Variants in CPEB3 observed in about 807,000 individuals in gnomAD.
The protein encoded by CPEB3 is cytoplasmic polyadenylation element binding protein 3, also known as cytoplasmic polyadenylation element-binding protein 3.
In CPEB3, 20 loss-of-function variants were observed where a neutral mutation model predicts 67.2. The ratio of observed to expected loss-of-function variants is 0.30; its 90% CI spans 0.21 to 0.43. CPEB3 has a LOEUF of 0.43. Among genes scored for constraint, CPEB3 ranks in the 20% least tolerant of loss-of-function variants. CPEB3 has a pLI of 1.00. For synonymous variants in CPEB3, 376 were observed against 393.1 expected (o/e 0.96, Z 0.51); for missense variants, 746 against 968.6 (o/e 0.77, Z 3.05).
intron 7 of CPEB3, among the ~76,000 whole-genome samples, chr10:92,105,285 C>T (rs978734756): frequency 6.6e-6 from 1 of 152,176 alleles, no homozygotes; most frequent in Admixed American, 6.5e-5. Context: ...GTAGTAAACA[C>T]ATCACAAATG....
At chr10:92,280,017 G>A (rs550571521) in intron 1 of CPEB3, among the ~76,000 whole-genome samples, 1 of 151,800 alleles carries the variant, frequency 6.6e-6, no homozygotes, top group East Asian at 1.9e-4. Flanking sequence ...TCTCAAAAAA[G>A]AAAGAAAGAG....
At chr10:92,094,669 G>A (rs1843775613) in intron 7 of CPEB3, among the ~76,000 whole-genome samples, 1 of 151,208 alleles carries the variant, frequency 6.6e-6, no homozygotes, top group African/African-American at 2.4e-5. Flanking sequence ...TCATTCCCTT[G>A]ACATTTACTA....
At chr10:92,203,453 CGTATATAT>C (rs1325824977) in intron 2 of CPEB3, among the ~76,000 whole-genome samples, 5 of 121,562 alleles carry the variant, frequency 4.1e-5, no homozygotes, top group Non-Finnish European at 8.5e-5. Context: ...TATATATATA[CGTATATAT>C]GTATATGTGT....
chr10:92,139,424 G>A (rs1342295804), intron 6 of CPEB3, among the ~76,000 whole-genome samples: 2 of 151,378 alleles, frequency 1.3e-5, no homozygotes, highest in South Asian at 2.1e-4. Context: ...AATAAGCCAG[G>A]CACAGAAAGA....
At chr10:92,167,551 C>G (rs1384151130) in intron 4 of CPEB3, among the ~76,000 whole-genome samples, 1 of 152,154 alleles carries the variant, frequency 6.6e-6, no homozygotes, top group Admixed American at 6.5e-5. Flanking sequence ...CAGAACACAA[C>G]ATTTATCAAT....
chr10:92,197,481 C>T (rs536690123), intron 2 of CPEB3, among the ~76,000 whole-genome samples: 1 of 152,160 alleles, frequency 6.6e-6, no homozygotes, highest in Non-Finnish European at 1.5e-5. Flanking sequence ...CCTGTTAGAC[C>T]TTTTTTTATA....
intron 2 of CPEB3, among the ~76,000 whole-genome samples, chr10:92,193,251 T>C (rs1263727518): frequency 6.6e-6 from 1 of 152,248 alleles, no homozygotes; most frequent in South Asian, 2.1e-4. Context: ...TTAAGTTTAA[T>C]ACAAGTCTCC....
In CPEB3 at chr10:92,048,760, A is replaced by C. The variant is rs1852185618; in HGVS notation, c.*3452T>G. 6.5e-6 allele frequency: 1 copy of C among 152,680 alleles called. No individual in the cohort carries two copies. The highest frequency in any genetic ancestry group is 1.5e-5 in the Non-Finnish European group (1 of 68,046). The allele number at this position is 152,680 out of a possible 1,614,324, so 9.5% of individuals were successfully genotyped here. On this transcript the variant is annotated 3_prime_UTR_variant, in exon 10 of 10. Transcript: ENST00000265997. The surrounding 1 kb of genome is among the most constrained non-coding windows in gnomAD (Gnocchi z 4.1). ...ACCACATCAGCAAGTTAATACATAA[A>C]GCTTTGCATTTCAAAAAACTAGACA...
chr10:92,209,941 CAAAAAAA>C (rs768962869), intron 2 of CPEB3, among the ~76,000 whole-genome samples: 1 of 59,038 alleles, frequency 1.7e-5, no homozygotes, highest in Non-Finnish European at 3.1e-5. Flanking sequence ...GGCTCTGTCT[CAAAAAAA>C]AAAAAAAAAA....
At chr10:92,158,483 ACT>A (rs1483846734) in intron 4 of CPEB3, among the ~76,000 whole-genome samples, 2 of 152,078 alleles carry the variant, frequency 1.3e-5, no homozygotes, top group African/African-American at 2.4e-5. Flanking sequence ...TGCGGTGGTC[ACT>A]CTGAATTTCT....
chr10:92,134,517 T>C (rs1413511880), intron 6 of CPEB3, among the ~76,000 whole-genome samples: 1 of 151,680 alleles, frequency 6.6e-6, no homozygotes, highest in Non-Finnish European at 1.5e-5. Flanking sequence ...TAAAAGAGGA[T>C]ACAAACAAAT....
intron 1 of CPEB3, among the ~76,000 whole-genome samples, chr10:92,274,026 A>C (rs1841863365): frequency 1.3e-5 from 2 of 152,086 alleles, no homozygotes; most frequent in South Asian, 4.1e-4. Context: ...GTAATAAATC[A>C]CTTTTACTGT....
At chr10:92,182,825 C>CAAA (rs781545538) in intron 3 of CPEB3, among the ~76,000 whole-genome samples, 2 of 49,120 alleles carry the variant, frequency 4.1e-5, no homozygotes, top group African/African-American at 1.3e-4. Context: ...GACTCCGTCT[C>CAAA]AAAAAAAAAA....
At chr10:92,191,491 T>A (rs1014159810) in intron 3 of CPEB3, among the ~76,000 whole-genome samples, 23 of 151,946 alleles carry the variant, frequency 1.5e-4, no homozygotes, top group African/African-American at 5.6e-4. Context: ...CACTGGAAAA[T>A]GAGGAAAGCA....
chr10:92,119,305 T>C (rs781619073), intron 6 of CPEB3: 6 of 1,459,414 alleles, frequency 4.1e-6, no homozygotes, highest in Middle Eastern at 2.4e-4. Context: ...CTTGGAGCAG[T>C]AGAGTACCTT....
At chr10:92,125,016 C>T (rs1210889008) in intron 6 of CPEB3, among the ~76,000 whole-genome samples, 1 of 152,192 alleles carries the variant, frequency 6.6e-6, no homozygotes, top group Non-Finnish European at 1.5e-5. Flanking sequence ...GTTCACAAAC[C>T]ATGCTGGTAT....
chr10:92,283,501 T>A (rs1032441408), intron 1 of CPEB3, among the ~76,000 whole-genome samples: 1 of 152,116 alleles, frequency 6.6e-6, no homozygotes, highest in African/African-American at 2.4e-5. Flanking sequence ...CTTCTGAGTA[T>A]CAATGTTAAG....
chr10:92,146,967 G>C (rs1352201078), intron 4 of CPEB3, among the ~76,000 whole-genome samples: 1 of 152,212 alleles, frequency 6.6e-6, no homozygotes, highest in East Asian at 1.9e-4. Context: ...TGCCTACTCA[G>C]TGTCAGGCAC....
At chr10:92,171,744 A>G (rs1848010722) in intron 4 of CPEB3, among the ~76,000 whole-genome samples, 1 of 151,926 alleles carries the variant, frequency 6.6e-6, no homozygotes, top group Non-Finnish European at 1.5e-5. Context: ...CCTCCCAAGT[A>G]GCTGGGATTA....
Sources: gnomAD v4.1 joint callset for allele counts (sites outside exome capture counted in the v4.1 genomes callset) on GRCh38, gnomAD v4.1.1 for gene constraint, Gnocchi (gnomAD v3.1) non-coding constraint, MANE v1.5 for transcripts, NCBI Gene and HGNC (gene_info 2026-07-23, HGNC 2026-07-21) for gene names.